The following TPRG1 variants were observed in gnomAD, a reference collection of about 807,000 sequenced individuals.
TPRG1 encodes tumor protein p63 regulated 1.
In TPRG1, 29 loss-of-function variants were observed where a neutral mutation model predicts 29.3. The observed-to-expected ratio is 0.99, with a 90% CI of 0.74 to 1.35. The LOEUF (loss-of-function observed/expected upper bound fraction) is 1.35. Among genes scored for constraint, TPRG1 ranks in the 40% most tolerant of loss-of-function variants. The probability of loss-of-function intolerance (pLI) is 0.00; values close to 1 mark genes in which losing one functional copy is unlikely to be tolerated. For missense variants in TPRG1, 327 were observed against 335.0 expected (o/e 0.98, Z 0.19); for synonymous variants, 130 against 116.8 (o/e 1.11, Z -0.73).
intron 5 of TPRG1, among the ~76,000 whole-genome samples, chr3:189,313,451 G>A (rs982404646): frequency 3.3e-5 from 5 of 151,966 alleles, no homozygotes; most frequent in African/African-American, 1.2e-4. Flanking sequence ...TAGAATATGG[G>A]GAAAATGCAT....
chr3:189,027,967 A>T (rs1560402884), intron 4 of TPRG1, among the ~76,000 whole-genome samples: 1 of 152,110 alleles, frequency 6.6e-6, no homozygotes, highest in South Asian at 2.1e-4. Flanking sequence ...TATTTCATCA[A>T]GTATTTACTA....
intron 5 of TPRG1, among the ~76,000 whole-genome samples, chr3:189,320,422 G>A (rs115143289): frequency 0.029 from 4,433 of 152,122 alleles, 95 homozygotes; most frequent in Middle Eastern, 0.061. Context: ...TTGGGCCTGA[G>A]GAAAGTTAGT....
chr3:189,101,654 A>T (rs899813471), intron 1 of TPRG1, among the ~76,000 whole-genome samples: 1 of 152,068 alleles, frequency 6.6e-6, no homozygotes, highest in African/African-American at 2.4e-5. Flanking sequence ...TTTTCTAACC[A>T]CAAGCCTTGA....
chr3:189,317,940 A>G (rs1055272595), intron 5 of TPRG1, among the ~76,000 whole-genome samples: 1 of 152,146 alleles, frequency 6.6e-6, no homozygotes, highest in Non-Finnish European at 1.5e-5. Flanking sequence ...TGTGCAAGGA[A>G]AAAGGAGCTA....
At chr3:189,203,571 T>C (rs1021822336) in intron 1 of TPRG1, among the ~76,000 whole-genome samples, 4 of 152,268 alleles carry the variant, frequency 2.6e-5, no homozygotes, top group Non-Finnish European at 5.9e-5. Context: ...GCGTGTTATT[T>C]TGAATGCCTG....
At chr3:189,014,784 G>A (rs1014744517) in intron 3 of TPRG1, among the ~76,000 whole-genome samples, 4 of 152,118 alleles carry the variant, frequency 2.6e-5, no homozygotes, top group South Asian at 2.1e-4. Flanking sequence ...TAGGTTCCCT[G>A]AGGAGCCCCA....
intron 4 of TPRG1, among the ~76,000 whole-genome samples, chr3:189,042,262 T>A (rs1303576360): frequency 6.6e-6 from 1 of 152,160 alleles, no homozygotes; most frequent in Non-Finnish European, 1.5e-5. Context: ...CTATCAAGAA[T>A]ATATTTCTTT....
rs766857963 is a variant in TPRG1, at chr3:189,204,947, T to TCTCACACACACA, written c.-9-2428_-9-2427insTCACACACACAC. On this transcript the variant is annotated intron_variant, in intron 1 of 5. Coordinates refer to ENST00000345063, the MANE Select transcript of TPRG1 (RefSeq NM_198485.4). ...CTGTCTCTATGTCTCTCTCTCTCTC[T>TCTCACACACACA]CACACACACACACACACACACACAC... Among the ~76,000 whole-genome samples, 698 of 147,144 alleles carry TCTCACACACACA rather than the reference T, an allele frequency of 4.7e-3. 17 individuals carry two copies. In the East Asian group the frequency reaches 0.078, roughly 16 times the overall value.
intron 5 of TPRG1, among the ~76,000 whole-genome samples, chr3:189,159,791 TGGGGTAAA>T (rs1727210037): frequency 6.6e-6 from 1 of 151,614 alleles, no homozygotes; most frequent in Non-Finnish European, 1.5e-5. Context: ...CGCACAGTCC[TGGGGTAAA>T]GGTTTTTGAG....
intron 1 of TPRG1, among the ~76,000 whole-genome samples, chr3:189,112,419 C>T (rs549396703): frequency 6.6e-6 from 1 of 152,276 alleles, no homozygotes; most frequent in African/African-American, 2.4e-5. Flanking sequence ...GTTGCCATTG[C>T]TTTTGATGTT....
chr3:189,284,340 A>G (rs1264580597), intron 4 of TPRG1, among the ~76,000 whole-genome samples: 1 of 138,358 alleles, frequency 7.2e-6, no homozygotes, highest in Admixed American at 7.1e-5. Context: ...TCCTAATGCT[A>G]TCCCTCCCCC....
At chr3:189,142,838 T>C (rs1311754657) in intron 3 of TPRG1, among the ~76,000 whole-genome samples, 1 of 152,238 alleles carries the variant, frequency 6.6e-6, no homozygotes, top group Admixed American at 6.5e-5. Context: ...TCATTAGCTC[T>C]ATTTAATTAG....
intron 3 of TPRG1, among the ~76,000 whole-genome samples, chr3:189,225,057 A>G (rs1377141470): frequency 4.0e-5 from 6 of 150,562 alleles, no homozygotes; most frequent in African/African-American, 1.5e-4. Context: ...TCAGCCTCCC[A>G]AGTAGCTGGG....
intron 3 of TPRG1, among the ~76,000 whole-genome samples, chr3:189,007,666 G>C (rs1472434336): frequency 6.9e-6 from 1 of 145,936 alleles, no homozygotes; most frequent in Non-Finnish European, 1.5e-5. Flanking sequence ...AACAATGATA[G>C]ACTGGATTAA....
At chr3:189,057,491 C>A (rs940306389) in intron 4 of TPRG1, among the ~76,000 whole-genome samples, 2 of 149,776 alleles carry the variant, frequency 1.3e-5, no homozygotes, top group African/African-American at 2.5e-5. Flanking sequence ...TCTTACAGAG[C>A]CCTGATTGCT....
chr3:189,010,504 G>A (rs1338931680), intron 3 of TPRG1, among the ~76,000 whole-genome samples: 1 of 152,026 alleles, frequency 6.6e-6, no homozygotes, highest in Non-Finnish European at 1.5e-5. Context: ...TCTCATTGTG[G>A]TTTTTGATTT....
intron 3 of TPRG1, among the ~76,000 whole-genome samples, chr3:189,022,114 A>T (rs1449509404): frequency 1.3e-5 from 2 of 152,042 alleles, no homozygotes; most frequent in African/African-American, 4.8e-5. Flanking sequence ...TGTATTGGTT[A>T]TTCTAGTTAT....
chr3:189,031,072 G>A (rs759800620), intron 4 of TPRG1, among the ~76,000 whole-genome samples: 2 of 152,136 alleles, frequency 1.3e-5, no homozygotes, highest in African/African-American at 2.4e-5. Context: ...GAGATCTCAA[G>A]CTGTTAGAGA....
At chr3:189,188,304 G>A (rs976456150) in intron 1 of TPRG1, among the ~76,000 whole-genome samples, 1 of 152,160 alleles carries the variant, frequency 6.6e-6, no homozygotes, top group African/African-American at 2.4e-5. Flanking sequence ...TCTTCTCAGA[G>A]AAAGGTGAGT....
Sources: gnomAD v4.1 joint callset for allele counts (sites outside exome capture counted in the v4.1 genomes callset) on GRCh38, gnomAD v4.1.1 for gene constraint, MANE v1.5 for transcripts, NCBI Gene and HGNC (gene_info 2026-07-23, HGNC 2026-07-21) for gene names.